ZNF780B: variants seen among roughly 807,000 people sequenced by gnomAD.
ZNF780B encodes zinc finger protein 779.
ZNF780B carries 52 observed loss-of-function variants against 74.1 expected under a neutral mutation model. That is an observed-to-expected ratio of 0.70 (90% CI 0.56 to 0.88). The LOEUF (loss-of-function observed/expected upper bound fraction) is 0.88. Ranked by LOEUF, ZNF780B falls within the 40% of genes least tolerant of loss-of-function variation. ZNF780B has a pLI of 0.00. For synonymous variants in ZNF780B, 315 were observed against 324.3 expected (o/e 0.97, Z 0.31); for missense variants, 953 against 1,007.6 (o/e 0.95, Z 0.73).
Position 40,034,123 on chromosome 19 carries a change from T to A in ZNF780B, c.*234A>T. On this transcript the variant is annotated 3_prime_UTR_variant, in exon 5 of 5. Coordinates refer to ENST00000434248, the MANE Select transcript of ZNF780B (RefSeq NM_001005851.3). ...ATAGGGTTTCTCATCAGTATGAATTTTAACATGTTTAACAGGTTTGAACTA... is the reference window on the plus strand; with the variant it reads ...ATAGGGTTTCTCATCAGTATGAATTATAACATGTTTAACAGGTTTGAACTA... The A allele has an allele frequency of 1.7e-6, 1 of 578,992 alleles. No homozygotes were observed. Among genetic ancestry groups the A allele is most frequent in the South Asian group, 2.1e-5 (1 of 46,652 alleles). The allele number at this position is 578,992 out of a possible 1,614,324, so 35.9% of individuals were successfully genotyped here.
rs1972237612 is a variant in ZNF780B at position 40,035,565 on chromosome 19, G to A, written c.1294C>T (p.Leu432Phe). ...CGKGFNRGAN[L>F]IQHQKIHSNE... ...GAATGAATTTTTTGATGCTGAATAA[G>A]ATTTGCACCACGATTAAAGCCTTTC... is the stretch of plus-strand genomic sequence containing the variant. Residue 432 changes from leucine to phenylalanine, a missense_variant, in exon 5 of 5, where the codon CTT (leucine) becomes TTT (phenylalanine). By Grantham distance (22) the Leu-to-Phe change is conservative. Coordinates refer to ENST00000434248, the MANE Select transcript of ZNF780B (RefSeq NM_001005851.3). The A allele has an allele frequency of 6.2e-7, 1 of 1,613,264 alleles. No individual in the cohort carries two copies. The highest frequency in any genetic ancestry group is 1.7e-4 in the Middle Eastern group (1 of 6,050).
intron 4 of ZNF780B, among the ~76,000 whole-genome samples, chr19:40,039,467 A>G (rs1243541137): frequency 1.3e-5 from 2 of 151,988 alleles, no homozygotes; most frequent in African/African-American, 4.8e-5. Flanking sequence ...TGGTAGCTTG[A>G]TGGGGATGGC....
chr19:40,047,528 C>G (rs1436775050), intron 3 of ZNF780B, 58 bp from the exon 4 acceptor site: 1 of 1,181,704 alleles, frequency 8.5e-7, no homozygotes, highest in Non-Finnish European at 1.2e-6. Context: ...TTTTTTAAAC[C>G]CTGAGACCTA....
In ZNF780B at chr19:40,036,600, T is replaced by C; in HGVS notation, c.259A>G (p.Lys87Glu). The C allele has an allele frequency of 1.3e-6, 2 of 1,551,616 alleles. No individual in the cohort carries two copies. Among genetic ancestry groups the C allele is most frequent in the Admixed American group, 2.2e-5 (1 of 46,494 alleles). Residue 87 changes from lysine (K) to glutamate (E), a missense_variant, in exon 5 of 5, where the codon AAA becomes GAA. Coordinates refer to ENST00000434248, the MANE Select transcript of ZNF780B (RefSeq NM_001005851.3). ...PDLESKYGPE[K>E]ISPENDIFEI... ...AAAATATCATTTTCTGGAGATATTT[T>C]CTCAGGTCCATATTTTGACTCCAAA...
chr19:40,051,119 C>G (rs1219563462), intron 1 of ZNF780B, among the ~76,000 whole-genome samples: 1 of 152,124 alleles, frequency 6.6e-6, no homozygotes, highest in African/African-American at 2.4e-5. Context: ...GTGCTTATCT[C>G]TGTATTGTAG....
intron 3 of ZNF780B, 57 bp from the exon 4 acceptor site, chr19:40,047,527 C>A (rs1972988604): frequency 9.2e-6 from 11 of 1,189,222 alleles, no homozygotes; most frequent in Non-Finnish European, 1.2e-5. Context: ...TTTTTTTAAA[C>A]CCTGAGACCT....
Position 40,035,175 on chromosome 19 carries a change from A to G in ZNF780B, c.1684T>C (p.Cys562Arg), listed in dbSNP as rs777914179. Residue 562 changes from cysteine to arginine, a missense_variant, in exon 5 of 5, where the codon TGT becomes CGT. Transcript: ENST00000434248. ...TGEKPFECKE[C>R]GKFFRRGSNL... The stretch of plus-strand genomic sequence containing the variant: ...GAACCACGACGAAAGAATTTCCCAC[A>G]TTCCTTACATTCAAAGGGTTTCTCA... 31 of 1,614,192 alleles carry G rather than the reference A, an allele frequency of 1.9e-5. No individual in the cohort carries two copies. The East Asian group carries it at 3.1e-4, about 16-fold the overall frequency.
intron 3 of ZNF780B, among the ~76,000 whole-genome samples, chr19:40,048,258 G>C (rs1973030889): frequency 6.6e-6 from 1 of 152,100 alleles, no homozygotes; most frequent in Non-Finnish European, 1.5e-5. Flanking sequence ...AATCATAGAG[G>C]CTCTTTTAAT....
In ZNF780B at chr19:40,047,208, A is replaced by T. The variant is rs575261174; in HGVS notation, c.232+167T>A. On this transcript the variant is annotated intron_variant, in intron 4 of 4. Coordinates refer to ENST00000434248, the MANE Select transcript of ZNF780B (RefSeq NM_001005851.3). ...GAAGTTCCTTGGGGACAGCTCCTAC[A>T]GTGATCTTATTTCCTTCCCAGGTCT... The T allele has an allele frequency of 4.3e-5, 28 of 649,986 alleles. No homozygotes were observed. In the South Asian group the frequency reaches 4.3e-4, roughly 10 times the overall value. 40.3% of individuals were successfully genotyped at this position (649,986 alleles called of 1,614,324 possible). A position where few individuals can be genotyped will look rare whatever the true frequency, so the allele number is the denominator to read the frequency against.
intron 4 of ZNF780B, among the ~76,000 whole-genome samples, chr19:40,046,492 C>A (rs1251528666): frequency 2.6e-5 from 4 of 152,200 alleles, no homozygotes; most frequent in East Asian, 1.9e-4. Flanking sequence ...AACTCTCAGA[C>A]CTTTCTTCCC....
Position 40,036,560 on chromosome 19 carries a change from G to C in ZNF780B, c.299C>G (p.Pro100Arg). 6.4e-7 allele frequency: 1 copy of C among 1,570,296 alleles called. No individual in the cohort carries two copies. The highest frequency in any genetic ancestry group is 1.2e-5 in the South Asian group (1 of 82,896). The part of the protein sequence containing the change: ...PENDIFEINL[P>R]KHVIKQISKT... The stretch of plus-strand genomic sequence containing the variant: ...ACTTATTTGCTTTATAACATGTTTG[G>C]GTAAATTTATTTCAAAAATATCATT... The change falls in exon 5 of 5, where the codon CCC becomes CGC. Residue 100 changes from proline (P) to arginine (R), a missense_variant. Transcript: ENST00000434248.
intron 3 of ZNF780B, among the ~76,000 whole-genome samples, chr19:40,048,424 T>C (rs1326780826): frequency 6.6e-6 from 1 of 152,146 alleles, no homozygotes; most frequent in Non-Finnish European, 1.5e-5. Context: ...TTCAGCCCCA[T>C]GGTCATGAAG....
intron 1 of ZNF780B, among the ~76,000 whole-genome samples, chr19:40,052,240 T>C (rs1476959030): frequency 6.6e-6 from 1 of 152,122 alleles, no homozygotes; most frequent in Non-Finnish European, 1.5e-5. Context: ...GGGAGGGTTA[T>C]CCTGTGCACG....
chr19:40,037,948 ACATGTGCAC>A (rs942309016), intron 4 of ZNF780B, among the ~76,000 whole-genome samples: 25 of 150,230 alleles, frequency 1.7e-4, no homozygotes, highest in Non-Finnish European at 4.4e-5. Flanking sequence ...ATTTTAGGGT[ACATGTGCAC>A]AATGTGCAGG....
At position 40,036,179 on chromosome 19, in the gene ZNF780B, C is replaced by T; in HGVS notation, c.680G>A (p.Gly227Glu). ...GEKTFECKEC[G>E]KAFNLPTQLN... ...CTGGGTGGGAAGATTAAAGGCTTTTCCACATTCCTTACATTCAAAAGTTTT... is the reference window on the plus strand; with the variant it reads ...CTGGGTGGGAAGATTAAAGGCTTTTTCACATTCCTTACATTCAAAAGTTTT... The change falls in exon 5 of 5, where the codon GGA (glycine) becomes GAA (glutamate). Residue 227 changes from glycine to glutamate, a missense_variant. Gly to Glu is a moderately conservative substitution (Grantham distance 98). Transcript: ENST00000434248. 1 of 1,613,804 alleles carries T rather than the reference C, an allele frequency of 6.2e-7. No homozygotes were observed. The highest frequency in any genetic ancestry group is 2.2e-5 in the East Asian group (1 of 44,862).
intron 4 of ZNF780B, among the ~76,000 whole-genome samples, chr19:40,039,476 G>C (rs1461457461): frequency 6.6e-6 from 1 of 151,754 alleles, no homozygotes; most frequent in African/African-American, 2.4e-5. Flanking sequence ...GATGGGGATG[G>C]CATTGAATCT....
At position 40,035,705 on chromosome 19, in the gene ZNF780B, C is replaced by T; in HGVS notation, c.1154G>A (p.Gly385Asp). ...TTCTTTACATTCAAATGGTTTTTCACCTGTGTGAATATTCTTATGGCGATT... is the reference window on the plus strand; with the variant it reads ...TTCTTTACATTCAAATGGTTTTTCATCTGTGTGAATATTCTTATGGCGATT... ...QLNRHKNIHTGEKPFECKECG... is the reference protein window; with the variant it reads ...QLNRHKNIHTDEKPFECKECG... Residue 385 changes from glycine (G) to aspartate (D), a missense_variant, in exon 5 of 5, where the codon GGT (glycine) becomes GAT (aspartate). Coordinates refer to ENST00000434248, the MANE Select transcript of ZNF780B (RefSeq NM_001005851.3). 3 of 1,613,812 alleles carry T rather than the reference C, an allele frequency of 1.9e-6. No homozygotes were observed. Among genetic ancestry groups the T allele is most frequent in the Non-Finnish European group, 2.5e-6 (3 of 1,179,950 alleles).
In ZNF780B at chr19:40,029,429, C is replaced by T. The variant is rs1318936400; in HGVS notation, c.*4928G>A. On this transcript the variant is annotated 3_prime_UTR_variant, in exon 5 of 5. Transcript: ENST00000434248. ...AGATTAATGTATCATTTCAGCCAGG[C>T]CTTAAAAGGAGATAAACTTCTCAGC... 6.5e-6 allele frequency: 1 copy of T among 154,726 alleles called. No homozygotes were observed. Among genetic ancestry groups the T allele is most frequent in the Non-Finnish European group, 1.5e-5 (1 of 68,214 alleles). 9.6% of individuals were successfully genotyped at this position (154,726 alleles called of 1,614,324 possible).
At position 40,035,792 on chromosome 19, in the gene ZNF780B, A is replaced by G. The variant is rs1320295869; in HGVS notation, c.1067T>C (p.Met356Thr). ...TKLVRHQKIH[M>T]GEKPFECREC... ...CCTGCATTCAAAGGGCTTCTCACCC[A>G]TATGAATCTTCTGATGTCGAACAAG... The change falls in exon 5 of 5, where the codon ATG becomes ACG. Residue 356 changes from methionine (M) to threonine (T), a missense_variant. Coordinates refer to ENST00000434248, the MANE Select transcript of ZNF780B (RefSeq NM_001005851.3). 8 of 1,613,846 alleles carry G rather than the reference A, an allele frequency of 5.0e-6. No homozygotes were observed. The highest frequency in any genetic ancestry group is 1.1e-5 in the South Asian group (1 of 91,070).
Sources: allele counts gnomAD v4.1 joint callset (sites outside exome capture counted in the v4.1 genomes callset), GRCh38; gene constraint gnomAD v4.1.1; transcripts MANE v1.5; gene names NCBI Gene and HGNC (gene_info 2026-07-23, HGNC 2026-07-21).